TTC39C: variants seen among roughly 807,000 people sequenced by gnomAD.
TTC39C encodes tetratricopeptide repeat domain 39C, also known as tetratricopeptide repeat protein 39C.
A neutral mutation model predicts 76.3 loss-of-function variants in TTC39C; 33 were observed. That is an observed-to-expected ratio of 0.43 (90% CI 0.33 to 0.58). The LOEUF (loss-of-function observed/expected upper bound fraction) is 0.58, where lower values mean the gene tolerates loss of function less well. Ranked by LOEUF, TTC39C falls within the 20% of genes least tolerant of loss-of-function variation. The probability of loss-of-function intolerance (pLI) is 0.04; values close to 1 mark genes in which losing one functional copy is unlikely to be tolerated. For synonymous variants in TTC39C, 254 were observed against 260.6 expected (o/e 0.97, Z 0.24); for missense variants, 595 against 701.4 (o/e 0.85, Z 1.71).
chr18:24,113,452 T>G, intron 6 of TTC39C: 1 of 616,018 alleles, frequency 1.6e-6, no homozygotes, highest in Non-Finnish European at 2.9e-6. Flanking sequence ...TGGCTGGCTG[T>G]GGGGATAATG....
intron 1 of TTC39C, among the ~76,000 whole-genome samples, chr18:24,055,164 T>C (rs1414806818): frequency 6.6e-6 from 1 of 152,240 alleles, no homozygotes; most frequent in African/African-American, 2.4e-5. Context: ...TTGAGTTGCT[T>C]CCATCTTTTA....
rs1461032236 is a variant in TTC39C at position 24,022,877 on chromosome 18, G to A, written c.167+7839G>A. ...ATCTTGCTCTTCCAGACACGGCTCA[G>A]ATTTTTAGCAAAAGGTTGTATGACT... On this transcript the variant is annotated intron_variant, in intron 1 of 13. Transcript: ENST00000317571. 3.0e-6 allele frequency: 3 copies of A among 985,266 alleles called. No individual in the cohort carries two copies. In the African/African-American group the frequency reaches 5.2e-5, roughly 17 times the overall value. 61.0% of individuals were successfully genotyped at this position (985,266 alleles called of 1,614,324 possible). A position where few individuals can be genotyped will look rare whatever the true frequency, so the allele number is the denominator to read the frequency against.
chr18:24,095,699 C>T lies in TTC39C; in HGVS notation c.984+12618C>T, dbSNP rs550688761. Among the ~76,000 whole-genome samples the T allele has an allele frequency of 6.6e-5, 10 of 152,106 alleles. No individual in the cohort carries two copies. In the East Asian group the frequency reaches 1.7e-3, roughly 27 times the overall value. Reference sequence around the variant, plus strand: ...GGGCGACAAGAGTGAAACTCCGCCTCAAAAAACAAACAAACAAAAAAAAAC... The same window carrying T: ...GGGCGACAAGAGTGAAACTCCGCCTTAAAAAACAAACAAACAAAAAAAAAC... On this transcript the variant is annotated intron_variant, in intron 6 of 13. Coordinates refer to ENST00000317571, the MANE Select transcript of TTC39C (RefSeq NM_001135993.2).
intron 3 of TTC39C, 130 bp downstream of exon 3, chr18:24,066,270 T>TA (rs2084165580): frequency 2.4e-6 from 3 of 1,247,640 alleles, no homozygotes; most frequent in Non-Finnish European, 2.2e-6. Context: ...CAATGTTTCT[T>TA]ATGGTTTTTG....
At chr18:24,084,737 C>T (rs1201406181) in intron 6 of TTC39C, among the ~76,000 whole-genome samples, 1 of 152,134 alleles carries the variant, frequency 6.6e-6, no homozygotes, top group South Asian at 2.1e-4. Flanking sequence ...CTCACTGCAG[C>T]CTCAGCCTCA....
At position 24,083,031 on chromosome 18, in the gene TTC39C, C is replaced by A; in HGVS notation, c.934C>A (p.Pro312Thr). The change falls in exon 6 of 14, where the codon CCA becomes ACA. Residue 312 changes from proline to threonine, a missense_variant. Transcript: ENST00000317571. ...EILLKKEAAYPNSSLFMFFKG... is the reference protein window; with the variant it reads ...EILLKKEAAYTNSSLFMFFKG... ...TCTCCTTAAAAAAGAAGCTGCTTAT[C>A]CAAATTCTTCCCTCTTTATGTTTTT... The A allele has an allele frequency of 1.9e-6, 3 of 1,614,066 alleles. No homozygotes were observed. The highest frequency in any genetic ancestry group is 2.5e-6 in the Non-Finnish European group (3 of 1,179,944).
intron 1 of TTC39C, chr18:24,015,388 G>T: frequency 5.1e-6 from 1 of 194,572 alleles, no homozygotes; most frequent in Non-Finnish European, 1.0e-5. Context: ...GACCGGATGA[G>T]ATTTGAGGCA....
chr18:24,013,132 C>G (rs1349819770), upstream of TTC39C: 2 of 152,066 alleles, frequency 1.3e-5, no homozygotes, highest in African/African-American at 4.8e-5. Flanking sequence ...TCCAAGAAAA[C>G]CTAGATTTTC....
intron 8 of TTC39C, among the ~76,000 whole-genome samples, chr18:24,122,781 C>CA (rs2084987827): frequency 6.6e-6 from 1 of 152,054 alleles, no homozygotes; most frequent in Non-Finnish European, 1.5e-5. Flanking sequence ...TGATCATGAT[C>CA]AAAATCTCAC....
intron 8 of TTC39C, among the ~76,000 whole-genome samples, chr18:24,120,136 G>A (rs1327820229): frequency 6.6e-6 from 1 of 152,154 alleles, no homozygotes; most frequent in Non-Finnish European, 1.5e-5. Flanking sequence ...CAGATCACGA[G>A]GTCAAGAGAT....
intron 6 of TTC39C, among the ~76,000 whole-genome samples, chr18:24,096,144 C>T (rs575373726): frequency 7.9e-5 from 12 of 152,050 alleles, no homozygotes; most frequent in Non-Finnish European, 1.5e-4. Context: ...GGGAGAATTA[C>T]CAAAATGTGA....
intron 6 of TTC39C, 53 bp downstream of exon 6, chr18:24,083,134 T>C: frequency 1.3e-6 from 2 of 1,527,916 alleles, no homozygotes; most frequent in Non-Finnish European, 1.8e-6. Context: ...ATCAAATCTC[T>C]GATTCTCACT....
rs147239275 is a variant in TTC39C at position 24,098,104 on chromosome 18, A to G, written c.984+15023A>G. On this transcript the variant is annotated intron_variant, in intron 6 of 13. Transcript: ENST00000317571. The stretch of plus-strand genomic sequence containing the variant: ...TTTATCCACTTGTTCTCTCACATAT[A>G]TACATAACTATCAGTTTCTCAGGTT... Among the ~76,000 whole-genome samples the G allele has an allele frequency of 4.5e-4, 68 of 152,204 alleles. 2 individuals carry two copies. In the South Asian group the frequency reaches 7.7e-3, roughly 17 times the overall value.
chr18:24,058,694 TA>T (rs1260854464), intron 1 of TTC39C, among the ~76,000 whole-genome samples: 1 of 151,968 alleles, frequency 6.6e-6, no homozygotes, highest in African/African-American at 2.4e-5. Flanking sequence ...AAGTTCATAA[TA>T]AAAAAAGTTA....
At chr18:24,130,738 T>A (rs2145832977) in intron 12 of TTC39C, among the ~76,000 whole-genome samples, 1 of 152,240 alleles carries the variant, frequency 6.6e-6, no homozygotes, top group South Asian at 2.1e-4. Flanking sequence ...TATCACCTAC[T>A]ACACAACCAG....
At chr18:24,070,226 C>T (rs2084220793) in intron 4 of TTC39C, among the ~76,000 whole-genome samples, 1 of 152,092 alleles carries the variant, frequency 6.6e-6, no homozygotes, top group Non-Finnish European at 1.5e-5. Context: ...GAAATTTGGA[C>T]TTCTAAGAAT....
chr18:24,023,960 A>T (rs55943808), intron 1 of TTC39C, among the ~76,000 whole-genome samples: 3 of 17,954 alleles, frequency 1.7e-4, no homozygotes, highest in Non-Finnish European at 4.5e-4. Flanking sequence ...GTATATATAT[A>T]TATATATATA....
chr18:24,131,754 G>T, intron 12 of TTC39C, 128 bp from the exon 13 acceptor site: 5 of 675,550 alleles, frequency 7.4e-6, no homozygotes, highest in East Asian at 2.8e-5. Context: ...CATTATACTT[G>T]AATGAACAGT....
intron 1 of TTC39C, among the ~76,000 whole-genome samples, chr18:24,045,927 A>ATATATAT (rs1568417525): frequency 7.8e-5 from 2 of 25,674 alleles, no homozygotes; most frequent in African/African-American, 3.3e-4. Flanking sequence ...ATATATATAT[A>ATATATAT]TTTTTTTTTT....
Sources: gnomAD v4.1 joint callset for allele counts (sites outside exome capture counted in the v4.1 genomes callset) on GRCh38, gnomAD v4.1.1 for gene constraint, MANE v1.5 for transcripts, NCBI Gene and HGNC (gene_info 2026-07-23, HGNC 2026-07-21) for gene names.